RPS6KA2: variants seen among roughly 807,000 people sequenced by gnomAD.
The protein encoded by RPS6KA2 is ribosomal protein S6 kinase alpha-2.
In RPS6KA2, 42 loss-of-function variants were observed where a neutral mutation model predicts 91.8. The observed-to-expected ratio is 0.46, with a 90% CI of 0.36 to 0.59. RPS6KA2 has a LOEUF of 0.59. Ranked by LOEUF, RPS6KA2 falls within the 20% of genes least tolerant of loss-of-function variation. The probability of loss-of-function intolerance (pLI) is 0.00; values close to 1 mark genes in which losing one functional copy is unlikely to be tolerated. For missense variants in RPS6KA2, 798 were observed against 978.5 expected, an observed-to-expected ratio of 0.82 and a Z score of 2.46; for synonymous variants, 414 against 393.6, an observed-to-expected ratio of 1.05 and a Z score of -0.61.
Position 166,493,567 on chromosome 6 carries a change from C to T in RPS6KA2, c.748-2826G>A, listed in dbSNP as rs2128475006. On this transcript the variant is annotated intron_variant, in intron 8 of 20. Coordinates refer to ENST00000265678, the MANE Select transcript of RPS6KA2 (RefSeq NM_021135.6). This position sits in a 1 kb window ranked among gnomAD's most constrained non-coding sequence, Gnocchi z 4.7. ...TACACGCACCGGGGGAGGGAGGGCA[C>T]TCCAAAGGATTCTTTCCCAATCGGC... 6.6e-6 allele frequency among the ~76,000 whole-genome samples: 1 copy of T among 152,184 alleles called. No individual in the cohort carries two copies. Among genetic ancestry groups the T allele is most frequent in the South Asian group, 2.1e-4 (1 of 4,802 alleles).
intron 2 of RPS6KA2, among the ~76,000 whole-genome samples, chr6:166,797,419 C>T (rs1389917626): frequency 1.3e-5 from 2 of 152,214 alleles, no homozygotes; most frequent in African/African-American, 2.4e-5. Context: ...TATCTCTGGA[C>T]CCCCAAAGCT....
chr6:166,847,154 C>A (rs1258978597), intron 2 of RPS6KA2, among the ~76,000 whole-genome samples: 1 of 151,844 alleles, frequency 6.6e-6, no homozygotes, highest in Non-Finnish European at 1.5e-5. Context: ...GAACTCAACC[C>A]CTTTTACAAG....
intron 8 of RPS6KA2, among the ~76,000 whole-genome samples, chr6:166,498,161 C>T (rs925616341): frequency 7.9e-5 from 12 of 152,214 alleles, no homozygotes; most frequent in African/African-American, 2.4e-4. Flanking sequence ...TGTAACTAAG[C>T]GCAAGGATTC....
chr6:166,677,943 C>T (rs1788665352), intron 2 of RPS6KA2, among the ~76,000 whole-genome samples: 1 of 152,146 alleles, frequency 6.6e-6, no homozygotes, highest in South Asian at 2.1e-4. Flanking sequence ...AGGGGTTTAA[C>T]CTCTCAAGCA....
rs767579435 is a variant in RPS6KA2, at chr6:166,456,529, C to A, written c.1075+2920G>T. 6.0e-4 allele frequency among the ~76,000 whole-genome samples: 91 copies of A among 152,178 alleles called. 1 individual carries two copies. Among genetic ancestry groups the A allele is most frequent in the Non-Finnish European group, 9.3e-4 (63 of 68,034 alleles). On this transcript the variant is annotated intron_variant, in intron 12 of 20. Coordinates refer to ENST00000265678, the MANE Select transcript of RPS6KA2 (RefSeq NM_021135.6). Reference sequence around the variant, plus strand: ...GGGCTAAGCAGCATGCTCTAGGGGGCAGCCAAGGTGTGATCAGGGAATAGA... The same window carrying A: ...GGGCTAAGCAGCATGCTCTAGGGGGAAGCCAAGGTGTGATCAGGGAATAGA...
chr6:166,862,363 G>A (rs1189899849), exon 1 of RPS6KA2: 2 of 1,423,506 alleles, frequency 1.4e-6, no homozygotes, highest in South Asian at 1.4e-5. Flanking sequence ...TGCGCCGGCC[G>A]GAGGAGGGAC....
At chr6:166,799,868 T>A (rs1318154535) in intron 2 of RPS6KA2, among the ~76,000 whole-genome samples, 5 of 152,164 alleles carry the variant, frequency 3.3e-5, no homozygotes, top group Admixed American at 6.5e-5. Context: ...CGGAGTAGTG[T>A]ACACAGCAGC....
intron 14 of RPS6KA2, among the ~76,000 whole-genome samples, chr6:166,441,054 G>T (rs73269293): frequency 1.3e-5 from 2 of 152,168 alleles, no homozygotes; most frequent in Non-Finnish European, 2.9e-5. Flanking sequence ...TCATTTTCCC[G>T]TCTTCGAGTC....
At chr6:166,791,680 G>A (rs1042641562) in intron 2 of RPS6KA2, among the ~76,000 whole-genome samples, 1 of 151,970 alleles carries the variant, frequency 6.6e-6, no homozygotes, top group Non-Finnish European at 1.5e-5. Flanking sequence ...AGACCACAGT[G>A]CAATCAAACT....
At chr6:166,501,295 C>T (rs1440484661) in intron 6 of RPS6KA2, among the ~76,000 whole-genome samples, 2 of 152,198 alleles carry the variant, frequency 1.3e-5, no homozygotes, top group African/African-American at 4.8e-5. Context: ...CCTGTGGAGA[C>T]CCAGAGCCTC....
At chr6:166,484,640 G>A (rs1367071878) in intron 10 of RPS6KA2, among the ~76,000 whole-genome samples, 1 of 152,212 alleles carries the variant, frequency 6.6e-6, no homozygotes, top group Non-Finnish European at 1.5e-5. Flanking sequence ...CGAGGATAAG[G>A]ATGAAAAGGC....
At chr6:166,506,933 C>T (rs2128480898) in intron 5 of RPS6KA2, among the ~76,000 whole-genome samples, 1 of 152,270 alleles carries the variant, frequency 6.6e-6, no homozygotes, top group South Asian at 2.1e-4. Flanking sequence ...TTTGCCATCC[C>T]ATGAAGCGGG....
chr6:166,651,169 G>C (rs1288788832), intron 2 of RPS6KA2, among the ~76,000 whole-genome samples: 1 of 152,072 alleles, frequency 6.6e-6, no homozygotes, highest in African/African-American at 2.4e-5. Context: ...TTTAAAATTG[G>C]TATTTTCTAC....
chr6:166,571,363 G>A (rs1465489376), intron 1 of RPS6KA2, among the ~76,000 whole-genome samples: 1 of 152,180 alleles, frequency 6.6e-6, no homozygotes, highest in Non-Finnish European at 1.5e-5. Flanking sequence ...TTCCCGAACA[G>A]CAAAGAACTC....
rs1359320881 is a variant in RPS6KA2, at chr6:166,812,474, GA to G, written c.123+45725del. 3.9e-5 allele frequency among the ~76,000 whole-genome samples: 6 copies of G among 152,272 alleles called. No homozygotes were observed. The East Asian group carries it at 1.2e-3, about 29-fold the overall frequency. On this transcript the variant is annotated intron_variant, in intron 2 of 21. Coordinates refer to the RPS6KA2 transcript ENST00000503859. ...TCTCAGCTTAAATGTCACCTCCCAA[GA>G]GAGGCCTTCCCAGGGGCTGAGTGTG...
intron 1 of RPS6KA2, among the ~76,000 whole-genome samples, chr6:166,597,425 T>C (rs898003120): frequency 2.0e-5 from 3 of 152,114 alleles, no homozygotes; most frequent in Non-Finnish European, 4.4e-5. Context: ...TGAGCATCTC[T>C]ACAGGACACA....
chr6:166,588,874 G>T (rs1303618473), intron 1 of RPS6KA2, among the ~76,000 whole-genome samples: 10 of 152,192 alleles, frequency 6.6e-5, no homozygotes. Context: ...TGCATAGGTG[G>T]CCAGGTGCGA....
chr6:166,496,493 C>A (rs534411647), intron 8 of RPS6KA2, among the ~76,000 whole-genome samples: 2 of 152,222 alleles, frequency 1.3e-5, no homozygotes, highest in East Asian at 3.9e-4. Flanking sequence ...CCTGTCCCCC[C>A]AGAAACCTCA....
At chr6:166,792,431 A>G (rs1215123630) in intron 2 of RPS6KA2, among the ~76,000 whole-genome samples, 1 of 152,042 alleles carries the variant, frequency 6.6e-6, no homozygotes, top group East Asian at 1.9e-4. Context: ...AGGTACAAAG[A>G]GGAGCTCGTA....
Sources: allele counts gnomAD v4.1 joint callset (sites outside exome capture counted in the v4.1 genomes callset), GRCh38; gene constraint gnomAD v4.1.1; non-coding constraint Gnocchi (gnomAD v3.1); transcripts MANE v1.5; gene names NCBI Gene and HGNC (gene_info 2026-07-23, HGNC 2026-07-21).